Variants in DOC2B observed in about 807,000 individuals in gnomAD.
The protein encoded by DOC2B is double C2-like domain-containing protein beta.
Under a neutral mutation model 28.9 loss-of-function variants are expected in DOC2B, and 21 were observed. The ratio of observed to expected loss-of-function variants is 0.73; its 90% CI spans 0.52 to 1.05. The LOEUF is 1.05. DOC2B is among the 50% of genes least tolerant of loss of function. DOC2B has a pLI of 0.00. For synonymous variants in DOC2B, 194 were observed against 178.1 expected (o/e 1.09, Z -0.71); for missense variants, 384 against 421.1 (o/e 0.91, Z 0.77).
At chr17:164,050 C>T (rs949958053) in intron 3 of DOC2B, 80 bp downstream of exon 3, 4 of 1,221,392 alleles carry the variant, frequency 3.3e-6, no homozygotes, top group African/African-American at 1.5e-5. Context: ...GTCCAGGCCC[C>T]AAAGCAAAAG....
intron 6 of DOC2B, chr17:155,922 T>C (rs1364818343): frequency 2.8e-5 from 11 of 389,268 alleles, no homozygotes; most frequent in African/African-American, 4.2e-5. Flanking sequence ...CTGCAACTCA[T>C]GGCCCCTCCT....
At position 181,041 on chromosome 17, in the gene DOC2B, G is replaced by A. The variant is rs983799846; in HGVS notation, c.373+66C>T. ...AGGGGGACCGGCGGAGGGAAGCCGC[G>A]AGGCCGTGGGGGGGCCGAGCCCGAG... is the stretch of plus-strand genomic sequence containing the variant. On this transcript the variant is annotated intron_variant, in intron 1 of 8. Transcript: ENST00000613549. The surrounding 1 kb of genome is among the most constrained non-coding windows in gnomAD (Gnocchi z 7.0). 2.5e-6 allele frequency: 3 copies of A among 1,191,190 alleles called. No individual in the cohort carries two copies. Among genetic ancestry groups the A allele is most frequent in the Non-Finnish European group, 2.1e-6 (2 of 955,290 alleles). 73.8% of individuals were successfully genotyped at this position (1,191,190 alleles called of 1,614,324 possible).
chr17:177,792 T>C (rs1363334591), intron 1 of DOC2B, among the ~76,000 whole-genome samples: 2 of 152,268 alleles, frequency 1.3e-5, no homozygotes, highest in African/African-American at 4.8e-5. Flanking sequence ...AAAGAGGTTC[T>C]GGGCTCAAAG....
intron 5 of DOC2B, among the ~76,000 whole-genome samples, chr17:157,156 G>A (rs771114120): frequency 2.6e-5 from 4 of 152,186 alleles, no homozygotes; most frequent in Admixed American, 1.3e-4. Context: ...TTCCGCGGAC[G>A]GTCTTCCACC....
chr17:153,762 C>T (rs543824416), intron 6 of DOC2B, among the ~76,000 whole-genome samples: 5 of 151,600 alleles, frequency 3.3e-5, no homozygotes, highest in East Asian at 1.9e-4. Flanking sequence ...AGGATATATA[C>T]GCGTGAAATT....
chr17:154,255 C>T (rs1031029459), intron 6 of DOC2B, among the ~76,000 whole-genome samples: 14 of 148,102 alleles, frequency 9.5e-5, no homozygotes, highest in Admixed American at 8.1e-4. Flanking sequence ...TGATATTCCA[C>T]GCACCCGCTA....
At chr17:153,853 C>T (rs112366190) in intron 6 of DOC2B, among the ~76,000 whole-genome samples, 2 of 152,078 alleles carry the variant, frequency 1.3e-5, no homozygotes, top group South Asian at 2.1e-4. Context: ...GTTGTGTTTT[C>T]GACAGCTGTC....
chr17:169,919 GAC>G (rs1268444130), intron 2 of DOC2B, among the ~76,000 whole-genome samples: 1 of 152,212 alleles, frequency 6.6e-6, no homozygotes, highest in South Asian at 2.1e-4. Flanking sequence ...GCCCAAAGTG[GAC>G]ACACACTTAC....
chr17:145,908 C>T lies in DOC2B; in HGVS notation c.*1533G>A, dbSNP rs2040015093. On this transcript the variant is annotated 3_prime_UTR_variant, in exon 9 of 9. Coordinates refer to ENST00000613549, the MANE Select transcript of DOC2B (RefSeq NM_003585.5). ...TCACCTGACCTCTCTGGGCCTGTTT[C>T]CATCACACACTGATGGGCTGAGCAC... The T allele has an allele frequency of 6.6e-6, 1 of 152,402 alleles. No individual in the cohort carries two copies. The highest frequency in any genetic ancestry group is 2.1e-4 in the South Asian group (1 of 4,836). The allele number at this position is 152,402 out of a possible 1,614,324, so 9.4% of individuals were successfully genotyped here.
rs1370164842 is a variant in DOC2B, at chr17:146,038, C to T, written c.*1403G>A. The T allele has an allele frequency of 1.3e-5, 2 of 152,256 alleles. No homozygotes were observed. Among genetic ancestry groups the T allele is most frequent in the African/African-American group, 4.8e-5 (2 of 41,450 alleles). The allele number at this position is 152,256 out of a possible 1,614,324, so 9.4% of individuals were successfully genotyped here. ...AAGTTTGTGGGCTTCAGGCATGGGC[C>T]CCAAGATTCAGATACTCTCAAGCCT... On this transcript the variant is annotated 3_prime_UTR_variant, in exon 9 of 9. Coordinates refer to ENST00000613549, the MANE Select transcript of DOC2B (RefSeq NM_003585.5).
chr17:151,914 C>G (rs1270532957), intron 6 of DOC2B, among the ~76,000 whole-genome samples: 1 of 152,216 alleles, frequency 6.6e-6, no homozygotes, highest in African/African-American at 2.4e-5. Flanking sequence ...GCTGTTTTCT[C>G]TACCAGAAGT....
Position 181,155 on chromosome 17 carries a change from G to A in DOC2B, c.325C>T (p.Pro109Ser), listed in dbSNP as rs1597840940. The A allele has an allele frequency of 8.0e-7, 1 of 1,253,362 alleles. No individual in the cohort carries two copies. The highest frequency in any genetic ancestry group is 3.0e-5 in the South Asian group (1 of 33,216). The allele number at this position is 1,253,362 out of a possible 1,614,324, so 77.6% of individuals were successfully genotyped here. Residue 109 changes from proline (P) to serine (S), a missense_variant, in exon 1 of 9, where the codon CCG (proline) becomes TCG (serine). Physicochemically the swap from Pro to Ser is moderately conservative, Grantham distance 74. Coordinates refer to ENST00000613549, the MANE Select transcript of DOC2B (RefSeq NM_003585.5). The surrounding 1 kb of genome is among the most constrained non-coding windows in gnomAD (Gnocchi z 7.0). ...TCGGCGTCCGGCTCGTCCTCCGGCG[G>A]CTTGGCTGGCGGCCGCGCGGGGCTG... ...GPSPARPPAK[P>S]PEDEPDADGY...
chr17:148,982 G>A (rs2040044425), intron 7 of DOC2B, 129 bp downstream of exon 7: 1 of 386,522 alleles, frequency 2.6e-6, no homozygotes, highest in South Asian at 1.3e-4. Context: ...TCTGTGGCTT[G>A]GTGCGGCCCC....
chr17:154,631 G>C (rs1555522200), intron 6 of DOC2B, among the ~76,000 whole-genome samples: 2 of 152,218 alleles, frequency 1.3e-5, no homozygotes, highest in African/African-American at 4.8e-5. Flanking sequence ...ATATAACAAG[G>C]AGTGGAATTG....
chr17:156,482 C>T (rs2040137415), intron 5 of DOC2B, 105 bp from the exon 6 acceptor site: 2 of 1,301,464 alleles, frequency 1.5e-6, no homozygotes, highest in African/African-American at 2.9e-5. Context: ...TGCAGCCGGG[C>T]CTGGTCACGG....
At chr17:162,846 T>C (rs2040220972) in intron 3 of DOC2B, among the ~76,000 whole-genome samples, 1 of 152,168 alleles carries the variant, frequency 6.6e-6, no homozygotes, top group Admixed American at 6.5e-5. Context: ...CCGTCCCCTC[T>C]GCCTGGAACC....
rs149494548 is a variant in DOC2B, at chr17:154,187, T to C, written c.923+2033A>G. Among the ~76,000 whole-genome samples the C allele has an allele frequency of 3.7e-3, 552 of 148,114 alleles. 13 individuals carry two copies. The East Asian group carries it at 0.057, about 15-fold the overall frequency. On this transcript the variant is annotated intron_variant, in intron 6 of 8. Transcript: ENST00000613549. Reference sequence around the variant, plus strand: ...TCTTATGGCTGATATTCCACGCACCTGCTACACTCCTTCTTAGGGCTGATA... The same window carrying C: ...TCTTATGGCTGATATTCCACGCACCCGCTACACTCCTTCTTAGGGCTGATA...
intron 1 of DOC2B, among the ~76,000 whole-genome samples, chr17:178,405 C>T (rs1487987324): frequency 1.3e-5 from 2 of 152,252 alleles, no homozygotes; most frequent in Non-Finnish European, 2.9e-5. Context: ...ACTTGCAACC[C>T]ATGGCACTCT....
chr17:181,489 G>C lies in DOC2B; in HGVS notation c.-10C>G. Reference sequence around the variant, plus strand: ...GCCGCCGGAGGGTCATGCAGGCAGCGCCGCCCCGCCCCGGGCGCGGCCCGG... The same window carrying C: ...GCCGCCGGAGGGTCATGCAGGCAGCCCCGCCCCGCCCCGGGCGCGGCCCGG... On this transcript the variant is annotated 5_prime_UTR_variant, in exon 1 of 9. Transcript: ENST00000613549. This position sits in a 1 kb window ranked among gnomAD's most constrained non-coding sequence, Gnocchi z 7.0. 1 of 1,025,440 alleles carries C rather than the reference G, an allele frequency of 9.8e-7. No homozygotes were observed. Among genetic ancestry groups the C allele is most frequent in the Non-Finnish European group, 1.2e-6 (1 of 858,460 alleles). 63.5% of individuals were successfully genotyped at this position (1,025,440 alleles called of 1,614,324 possible). A position where few individuals can be genotyped will look rare whatever the true frequency, so the allele number is the denominator to read the frequency against.
Sources: gnomAD v4.1 joint callset for allele counts (sites outside exome capture counted in the v4.1 genomes callset) on GRCh38, gnomAD v4.1.1 for gene constraint, Gnocchi (gnomAD v3.1) non-coding constraint, MANE v1.5 for transcripts, NCBI Gene and HGNC (gene_info 2026-07-23, HGNC 2026-07-21) for gene names.